Variants in SHISA6 observed in about 807,000 individuals in gnomAD.
SHISA6 encodes the protein protein shisa-6.
Under a neutral mutation model 47.9 loss-of-function variants are expected in SHISA6, and 22 were observed. The ratio of observed to expected loss-of-function variants is 0.46; its 90% confidence interval spans 0.33 to 0.66. The LOEUF (loss-of-function observed/expected upper bound fraction) is 0.66. SHISA6 is among the 30% of genes least tolerant of loss of function. The pLI is 0.02. For missense variants in SHISA6, 680 were observed against 764.6 expected, an observed-to-expected ratio of 0.89 and a Z score of 1.30; for synonymous variants, 388 against 337.8, an observed-to-expected ratio of 1.15 and a Z score of -1.63.
intron 2 of SHISA6, among the ~76,000 whole-genome samples, chr17:11,370,420 T>C (rs1424569610): frequency 6.6e-6 from 1 of 152,152 alleles, no homozygotes; most frequent in Non-Finnish European, 1.5e-5. Context: ...CATATTTACG[T>C]TTTTGTTTGT....
At chr17:11,380,383 A>G (rs577145613) in intron 3 of SHISA6, 44 of 152,128 alleles carry the variant, frequency 2.9e-4, no homozygotes, top group Non-Finnish European at 6.2e-4. Context: ...TGTTCATCCT[A>G]TAGAGAAAAA....
At chr17:11,544,135 A>G (rs2071860040) in intron 3 of SHISA6, among the ~76,000 whole-genome samples, 1 of 152,068 alleles carries the variant, frequency 6.6e-6, no homozygotes, top group African/African-American at 2.4e-5. Flanking sequence ...AAACAGGAGA[A>G]TTTTTTTCAG....
At chr17:11,454,800 C>A (rs147234237) in intron 3 of SHISA6, among the ~76,000 whole-genome samples, 4 of 152,302 alleles carry the variant, frequency 2.6e-5, no homozygotes, top group East Asian at 1.9e-4. Flanking sequence ...AATGGGAGAA[C>A]CTTCAGAGCA....
chr17:11,256,769 G>C (rs556044784), intron 1 of SHISA6, among the ~76,000 whole-genome samples: 2 of 152,152 alleles, frequency 1.3e-5, no homozygotes, highest in African/African-American at 4.8e-5. Context: ...CATTTCTCAG[G>C]CCTGGGGGAA....
chr17:11,340,142 A>G (rs1303335755), intron 2 of SHISA6, among the ~76,000 whole-genome samples: 1 of 152,204 alleles, frequency 6.6e-6, no homozygotes, highest in Non-Finnish European at 1.5e-5. Flanking sequence ...AAATATAACC[A>G]TGTAAGCTTG....
chr17:11,280,676 GGTCAGAAAGCT>G (rs1567559379), intron 2 of SHISA6, among the ~76,000 whole-genome samples: 2 of 152,190 alleles, frequency 1.3e-5, no homozygotes, highest in African/African-American at 4.8e-5. Flanking sequence ...AGACTTGAAT[GGTCAGAAAGCT>G]GTGGAGGAAT....
chr17:11,500,984 C>T (rs1227614622), intron 3 of SHISA6, among the ~76,000 whole-genome samples: 1 of 152,164 alleles, frequency 6.6e-6, no homozygotes, highest in Admixed American at 6.5e-5. Context: ...TCCCTTCTTA[C>T]ACATGAAACT....
chr17:11,398,318 GTGA>G (rs889738642), intron 3 of SHISA6, among the ~76,000 whole-genome samples: 21 of 152,018 alleles, frequency 1.4e-4, no homozygotes, highest in Non-Finnish European at 1.5e-4. Context: ...GGATATGATG[GTGA>G]TGATGATGAT....
chr17:11,528,455 G>A (rs2071704889), intron 3 of SHISA6, among the ~76,000 whole-genome samples: 1 of 152,204 alleles, frequency 6.6e-6, no homozygotes, highest in African/African-American at 2.4e-5. Flanking sequence ...ATACACGCAT[G>A]TATAAAAATA....
At chr17:11,553,547 G>GT (rs1353892776) in intron 4 of SHISA6, among the ~76,000 whole-genome samples, 3 of 152,170 alleles carry the variant, frequency 2.0e-5, no homozygotes, top group African/African-American at 7.2e-5. Context: ...TCACAATGTA[G>GT]TGAGAGTAGA....
intron 3 of SHISA6, among the ~76,000 whole-genome samples, chr17:11,493,471 C>T (rs1413129352): frequency 6.6e-6 from 1 of 152,206 alleles, no homozygotes; most frequent in Non-Finnish European, 1.5e-5. Context: ...AAGTAATCCG[C>T]CCACCTCGAC....
chr17:11,463,543 A>G (rs765693262), intron 3 of SHISA6, among the ~76,000 whole-genome samples: 3 of 152,158 alleles, frequency 2.0e-5, no homozygotes, highest in Non-Finnish European at 4.4e-5. Flanking sequence ...ATCTTTTCCA[A>G]CATTTTGCTG....
chr17:11,376,757 T>C (rs1912815708), intron 2 of SHISA6, among the ~76,000 whole-genome samples: 1 of 152,164 alleles, frequency 6.6e-6, no homozygotes, highest in African/African-American at 2.4e-5. Context: ...CTATCACTGG[T>C]CCAAACATAG....
intron 2 of SHISA6, among the ~76,000 whole-genome samples, chr17:11,334,448 C>T (rs1447626805): frequency 6.6e-6 from 1 of 152,162 alleles, no homozygotes; most frequent in African/African-American, 2.4e-5. Context: ...CACAGGTGGC[C>T]ATCTCTCATG....
intron 2 of SHISA6, among the ~76,000 whole-genome samples, chr17:11,339,044 A>G (rs150508972): frequency 3.3e-5 from 5 of 152,302 alleles, no homozygotes; most frequent in Admixed American, 1.3e-4. Context: ...GTTCATTGAA[A>G]AAAAAAAATC....
chr17:11,502,366 G>A (rs1198629908), intron 3 of SHISA6, among the ~76,000 whole-genome samples: 2 of 125,298 alleles, frequency 1.6e-5, no homozygotes, highest in East Asian at 5.2e-4. Flanking sequence ...CTGAGATCGC[G>A]CCACTGGACT....
intron 3 of SHISA6, among the ~76,000 whole-genome samples, chr17:11,413,513 G>T (rs147934120): frequency 1.9e-4 from 29 of 152,288 alleles, no homozygotes; most frequent in African/African-American, 7.0e-4. Context: ...AACCACCCCA[G>T]AACTGGGGCA....
intron 3 of SHISA6, among the ~76,000 whole-genome samples, chr17:11,461,048 AGAGT>A (rs1417113967): frequency 6.6e-6 from 1 of 152,218 alleles, no homozygotes; most frequent in Non-Finnish European, 1.5e-5. Flanking sequence ...GTATGTACAA[AGAGT>A]GTGTGTTGAA....
intron 3 of SHISA6, among the ~76,000 whole-genome samples, chr17:11,383,713 T>A (rs139983517): frequency 8.5e-5 from 13 of 152,322 alleles, no homozygotes; most frequent in African/African-American, 2.9e-4. Flanking sequence ...ACTATCTCCT[T>A]CTAAGTACCT....
Sources: allele counts gnomAD v4.1 joint callset (sites outside exome capture counted in the v4.1 genomes callset), GRCh38; gene constraint gnomAD v4.1.1; transcripts MANE v1.5; gene names NCBI Gene and HGNC (gene_info 2026-07-23, HGNC 2026-07-21).